Variants in MYOF observed in about 807,000 individuals in gnomAD.
The protein encoded by MYOF is fer-1-like 3, myoferlin.
MYOF carries 244 observed loss-of-function variants against 284.2 expected under a neutral mutation model. That is an observed-to-expected ratio of 0.86 (90% CI 0.77 to 0.95). The LOEUF (loss-of-function observed/expected upper bound fraction) is 0.95, where lower values mean the gene tolerates loss of function less well. Ranked by LOEUF, MYOF falls within the 40% of genes least tolerant of loss-of-function variation. The pLI is 0.00. For missense variants in MYOF, 2,496 were observed against 2,560.6 expected (o/e 0.97, Z 0.54); for synonymous variants, 904 against 919.7 (o/e 0.98, Z 0.31).
chr10:93,332,447 C>T (rs11187384), intron 43 of MYOF, among the ~76,000 whole-genome samples: 61,101 of 151,100 alleles, frequency 0.4, 14,076 homozygotes, highest in East Asian at 0.91. Context: ...GTCTCGAACT[C>T]CTGACTTTGT....
At chr10:93,317,891 C>CATATTCCAGGAAT (rs923248138) in intron 49 of MYOF, among the ~76,000 whole-genome samples, 3 of 152,188 alleles carry the variant, frequency 2.0e-5, no homozygotes, top group Admixed American at 1.3e-4. Context: ...GGTTGTTTTT[C>CATATTCCAGGAAT]ATATTCCAGG....
At chr10:93,398,394 C>A (rs1847123169) in intron 13 of MYOF, among the ~76,000 whole-genome samples, 1 of 152,192 alleles carries the variant, frequency 6.6e-6, no homozygotes, top group Admixed American at 6.5e-5. Flanking sequence ...TAGCACTGGG[C>A]ACCATTTAAA....
chr10:93,362,154 T>G (rs182314618), intron 27 of MYOF, among the ~76,000 whole-genome samples: 4 of 152,268 alleles, frequency 2.6e-5, no homozygotes, highest in Admixed American at 2.6e-4. Flanking sequence ...TTCACCATGT[T>G]AGCCAGGCTG....
intron 21 of MYOF, among the ~76,000 whole-genome samples, chr10:93,379,379 A>C (rs1846007612): frequency 6.6e-6 from 1 of 152,108 alleles, no homozygotes; most frequent in Admixed American, 6.5e-5. Flanking sequence ...CCCTCTTCCA[A>C]AGTAAGAAAA....
chr10:93,397,945 C>T (rs1480466871), intron 13 of MYOF, among the ~76,000 whole-genome samples: 1 of 152,118 alleles, frequency 6.6e-6, no homozygotes, highest in Non-Finnish European at 1.5e-5. Context: ...CCTGGAATGT[C>T]TTCAAGCTGA....
chr10:93,467,313 C>A, intron 1 of MYOF, among the ~76,000 whole-genome samples: 1 of 120,402 alleles, frequency 8.3e-6, no homozygotes, highest in East Asian at 3.0e-4. Flanking sequence ...CTATCCCTCC[C>A]CCCTCCCCCG....
At chr10:93,390,024 G>T (rs76311851) in intron 17 of MYOF, among the ~76,000 whole-genome samples, 3,831 of 152,302 alleles carry the variant, frequency 0.025, 92 homozygotes, top group Non-Finnish European at 0.032. Flanking sequence ...GGGACAGGCT[G>T]CATTAGGGAC....
At position 93,333,659 on chromosome 10, in the gene MYOF, G is replaced by A. The variant is rs1843451068; in HGVS notation, c.4719+99C>T. On this transcript the variant is annotated intron_variant, in intron 42 of 53. Coordinates refer to ENST00000359263, the MANE Select transcript of MYOF (RefSeq NM_013451.4). ...TTTGATGGAGTATCTTTCCCCTAGT[G>A]AGATAACAGACGCCCAGAAAGAAAG... 8.3e-6 allele frequency: 12 copies of A among 1,452,402 alleles called. No homozygotes were observed. The South Asian group carries it at 1.6e-4, about 19-fold the overall frequency. 90.0% of individuals were successfully genotyped at this position (1,452,402 alleles called of 1,614,324 possible). A position where few individuals can be genotyped will look rare whatever the true frequency, so the allele number is the denominator to read the frequency against.
At chr10:93,379,659 C>T (rs551889117) in intron 21 of MYOF, among the ~76,000 whole-genome samples, 43 of 152,234 alleles carry the variant, frequency 2.8e-4, no homozygotes, top group Admixed American at 9.8e-4. Flanking sequence ...GCAGAGCAAC[C>T]GGGGGTAAGA....
chr10:93,478,148 T>C lies in MYOF; in HGVS notation c.88+3959A>G, dbSNP rs533940163. 449 of 268,544 alleles carry C rather than the reference T, an allele frequency of 1.7e-3. 6 individuals are homozygous for C. The highest frequency in any genetic ancestry group is 9.8e-3 in the African/African-American group (420 of 42,952). 16.6% of individuals were successfully genotyped at this position (268,544 alleles called of 1,614,324 possible). A position where few individuals can be genotyped will look rare whatever the true frequency, so the allele number is the denominator to read the frequency against. ...TTAATTTTAGAAATTAAAAATATTA[T>C]ATTATTTAAAATTAAAAAGTTTTTT... On this transcript the variant is annotated intron_variant, in intron 1 of 53. Transcript: ENST00000359263.
intron 7 of MYOF, among the ~76,000 whole-genome samples, chr10:93,408,060 A>C (rs934140951): frequency 2.6e-5 from 4 of 152,068 alleles, no homozygotes; most frequent in Non-Finnish European, 5.9e-5. Flanking sequence ...TCCTTTTTTT[A>C]AAGGCATCTC....
chr10:93,460,927 T>C (rs917070265), intron 1 of MYOF, among the ~76,000 whole-genome samples: 8 of 151,820 alleles, frequency 5.3e-5, no homozygotes, highest in Non-Finnish European at 1.2e-4. Flanking sequence ...GAAACCCATC[T>C]CTACTAAAAA....
In MYOF at chr10:93,342,027, T is replaced by C. The variant is rs1318108852; in HGVS notation, c.4326+1829A>G. On this transcript the variant is annotated intron_variant, in intron 38 of 53. Coordinates refer to ENST00000359263, the MANE Select transcript of MYOF (RefSeq NM_013451.4). ...TGTACACATGTCCATGTTATCTGGCTAGCACTTGACCAATTTTCCCCGAAG... is the reference window on the plus strand; with the variant it reads ...TGTACACATGTCCATGTTATCTGGCCAGCACTTGACCAATTTTCCCCGAAG... 5 of 1,196,002 alleles carry C rather than the reference T, an allele frequency of 4.2e-6. No homozygotes were observed. The East Asian group carries it at 2.9e-4, about 69-fold the overall frequency. The allele number at this position is 1,196,002 out of a possible 1,614,324, so 74.1% of individuals were successfully genotyped here.
chr10:93,373,521 C>CT (rs35052390), intron 23 of MYOF, among the ~76,000 whole-genome samples: 1 of 151,896 alleles, frequency 6.6e-6, no homozygotes, highest in Admixed American at 6.6e-5. Context: ...TCAAAAACCT[C>CT]TTTTTTTATT....
chr10:93,404,323 A>T (rs1472917833), intron 7 of MYOF, 104 bp from the exon 8 acceptor site: 4 of 1,189,152 alleles, frequency 3.4e-6, no homozygotes, highest in African/African-American at 1.5e-5. Flanking sequence ...GCAAAACACA[A>T]ATTCAAAATT....
chr10:93,377,197 A>G lies in MYOF; in HGVS notation c.2108+126T>C, dbSNP rs951189641. 1.5e-5 allele frequency: 11 copies of G among 710,574 alleles called. No individual in the cohort carries two copies. The African/African-American group carries it at 2.0e-4, about 13-fold the overall frequency. The allele number at this position is 710,574 out of a possible 1,614,324, so 44.0% of individuals were successfully genotyped here. A position where few individuals can be genotyped will look rare whatever the true frequency, so the allele number is the denominator to read the frequency against. On this transcript the variant is annotated intron_variant, in intron 22 of 53. Coordinates refer to ENST00000359263, the MANE Select transcript of MYOF (RefSeq NM_013451.4). ...TCCTCCCAGTGAGGACTTTTTACGA[A>G]GTTTGAATAATTCAAAATCACTTCT...
chr10:93,363,933 G>T, intron 27 of MYOF, 28 bp downstream of exon 27: 1 of 1,603,178 alleles, frequency 6.2e-7, no homozygotes, highest in Admixed American at 1.7e-5. Context: ...TGACAGGTGA[G>T]AGTTTCTCTC....
At chr10:93,364,150 G>A in intron 26 of MYOF, 75 bp from the exon 27 acceptor site, 2 of 1,256,506 alleles carry the variant, frequency 1.6e-6, no homozygotes, top group South Asian at 2.5e-5. Context: ...CAACACTCAG[G>A]AAGCATCTAC....
intron 3 of MYOF, among the ~76,000 whole-genome samples, chr10:93,442,153 C>T (rs999643410): frequency 1.3e-5 from 2 of 152,030 alleles, no homozygotes; most frequent in Admixed American, 6.6e-5. Flanking sequence ...TTTAATGAAC[C>T]TCTTTCAGCC....
Sources: allele counts gnomAD v4.1 joint callset (sites outside exome capture counted in the v4.1 genomes callset), GRCh38; gene constraint gnomAD v4.1.1; transcripts MANE v1.5; gene names NCBI Gene and HGNC (gene_info 2026-07-23, HGNC 2026-07-21).